Variants in GLIS3 observed in about 807,000 individuals in gnomAD.
GLIS3 encodes the protein zinc finger protein GLIS3.
Under a neutral mutation model 78.6 loss-of-function variants are expected in GLIS3, and 53 were observed. That is an observed-to-expected ratio of 0.67 (90% CI 0.54 to 0.85). GLIS3 has a LOEUF of 0.85. GLIS3 is among the 40% of genes least tolerant of loss of function. GLIS3 has a pLI of 0.00. For missense variants in GLIS3, 1,703 were observed against 1,231.1 expected (o/e 1.38, Z -5.74); for synonymous variants, 684 against 509.9 (o/e 1.34, Z -4.60).
At chr9:4,374,321 T>TG in the GLIS3 span, among the ~76,000 whole-genome samples, 1 of 152,230 alleles carries the variant, frequency 6.6e-6, no homozygotes, top group Non-Finnish European at 1.5e-5. Flanking sequence ...TATCTATCCC[T>TG]GCAAAGGAAA....
At chr9:4,420,043 G>C in the GLIS3 span, among the ~76,000 whole-genome samples, 1 of 152,172 alleles carries the variant, frequency 6.6e-6, no homozygotes, top group Non-Finnish European at 1.5e-5. Flanking sequence ...GGGGAATTTA[G>C]AGCAATGTCC....
At chr9:4,202,426 AAAAATAAAAT>A (rs56162217) in intron 2 of GLIS3, among the ~76,000 whole-genome samples, 75,485 of 146,950 alleles carry the variant, frequency 0.51, 19,653 homozygotes, top group South Asian at 0.61. Flanking sequence ...CTCAGTCTCA[AAAAATAAAAT>A]AAAATAAAAT....
intron 4 of GLIS3, among the ~76,000 whole-genome samples, chr9:4,083,050 T>C (rs191049542): frequency 2.8e-4 from 43 of 152,320 alleles, no homozygotes; most frequent in Admixed American, 1.5e-3. Flanking sequence ...AACTGAGTTA[T>C]CCACAAACCC....
At chr9:4,334,606 C>A (rs4741961) in intron 2 of GLIS3, among the ~76,000 whole-genome samples, 3 of 152,100 alleles carry the variant, frequency 2.0e-5, no homozygotes, top group Non-Finnish European at 2.9e-5. Flanking sequence ...CCTAGGTGAA[C>A]GCCAAACAGC....
chr9:4,134,105 A>T (rs946518053), intron 2 of GLIS3, among the ~76,000 whole-genome samples: 8 of 152,150 alleles, frequency 5.3e-5, no homozygotes, highest in African/African-American at 7.2e-5. Flanking sequence ...AATTTTTTTT[A>T]AAACCTCTCA....
At chr9:3,912,522 A>T (rs1824223236) in intron 6 of GLIS3, among the ~76,000 whole-genome samples, 1 of 152,206 alleles carries the variant, frequency 6.6e-6, no homozygotes, top group South Asian at 2.1e-4. Flanking sequence ...TATGCTGGAC[A>T]GAGTTGGGGA....
At chr9:3,933,012 C>T in intron 5 of GLIS3, 1 of 235,570 alleles carries the variant, frequency 4.2e-6, no homozygotes. Context: ...CGTGAAAAAT[C>T]TTCCAAAGAA....
At chr9:4,035,840 T>C (rs571425986) in intron 4 of GLIS3, 5 of 152,444 alleles carry the variant, frequency 3.3e-5, no homozygotes, top group African/African-American at 1.2e-4. Flanking sequence ...ACACTGACCA[T>C]TGCTCCTTCA....
At chr9:4,179,531 T>C (rs1442094165) in intron 2 of GLIS3, among the ~76,000 whole-genome samples, 2 of 152,160 alleles carry the variant, frequency 1.3e-5, no homozygotes, top group East Asian at 3.8e-4. Flanking sequence ...GGAAACACTA[T>C]TTATTAAGCC....
At position 4,118,078 on chromosome 9, in the gene GLIS3, T is replaced by C. The variant is rs765965108; in HGVS notation, c.1400A>G (p.His467Arg). The C allele has an allele frequency of 7.1e-7, 1 of 1,405,514 alleles. No individual in the cohort carries two copies. The highest frequency in any genetic ancestry group is 9.6e-7 in the Non-Finnish European group (1 of 1,045,184). The allele number at this position is 1,405,514 out of a possible 1,614,324, so 87.1% of individuals were successfully genotyped here. ...GGGCCCGAGCTCCGGGTGGTGAAGG[T>C]GCGCATGGGCATGGTAAGGGGGTGG... is the stretch of plus-strand genomic sequence containing the variant. Reference protein sequence around the residue: ...GPPPPYHAHAHLHHPELGPHA... With the variant: ...GPPPPYHAHARLHHPELGPHA... The change falls in exon 4 of 11, where the codon CAC becomes CGC. Residue 467 changes from histidine to arginine, a missense_variant. Transcript: ENST00000381971. This position sits in a 1 kb window ranked among gnomAD's most constrained non-coding sequence, Gnocchi z 4.7.
chr9:4,313,054 G>A (rs1435675191), intron 2 of GLIS3, among the ~76,000 whole-genome samples: 2 of 152,178 alleles, frequency 1.3e-5, no homozygotes, highest in Non-Finnish European at 2.9e-5. Context: ...TTAGCACTAT[G>A]CTATGCTGTT....
At chr9:4,183,554 C>T (rs1817515827) in intron 2 of GLIS3, among the ~76,000 whole-genome samples, 1 of 152,170 alleles carries the variant, frequency 6.6e-6, no homozygotes, top group South Asian at 2.1e-4. Flanking sequence ...AGTTCCTTGA[C>T]TCCAAGCTGT....
intron 2 of GLIS3, among the ~76,000 whole-genome samples, chr9:4,188,826 T>A (rs1818049556): frequency 6.6e-6 from 1 of 152,240 alleles, no homozygotes; most frequent in African/African-American, 2.4e-5. Flanking sequence ...TGTATTTCTG[T>A]GGGATCGGTG....
intron 7 of GLIS3, among the ~76,000 whole-genome samples, chr9:3,894,628 T>C (rs940887253): frequency 5.3e-5 from 8 of 152,266 alleles, no homozygotes; most frequent in African/African-American, 1.9e-4. Flanking sequence ...GAGGGTAAAG[T>C]GAAGAGAATA....
In GLIS3 at chr9:4,064,228, C is replaced by T. The variant is rs191765470; in HGVS notation, c.1710+53540G>A. The stretch of plus-strand genomic sequence containing the variant: ...GATTCATACCTTGTATTATACAGTA[C>T]ATAAAAATAAATTCTACAAGGAATA... On this transcript the variant is annotated intron_variant, in intron 4 of 10. Coordinates refer to ENST00000381971, the MANE Select transcript of GLIS3 (RefSeq NM_001042413.2). Among the ~76,000 whole-genome samples, 301 of 151,868 alleles carry T rather than the reference C, an allele frequency of 2.0e-3. 2 individuals carry two copies. The highest frequency in any genetic ancestry group is 3.3e-3 in the South Asian group (16 of 4,798).
chr9:4,440,339 T>C, the GLIS3 span, among the ~76,000 whole-genome samples: 1 of 152,238 alleles, frequency 6.6e-6, no homozygotes, highest in Admixed American at 6.5e-5. Context: ...TAGACTTAAG[T>C]CTGTAATCCA....
intron 4 of GLIS3, among the ~76,000 whole-genome samples, chr9:4,103,456 A>C (rs1353099491): frequency 1.3e-5 from 2 of 152,100 alleles, no homozygotes; most frequent in African/African-American, 4.8e-5. Context: ...GATACCACCA[A>C]ATTCACTGAG....
Position 4,343,096 on chromosome 9 carries a change from T to C in GLIS3, n.264+3985A>G, listed in dbSNP as rs576715341. 3.3e-5 allele frequency among the ~76,000 whole-genome samples: 5 copies of C among 152,250 alleles called. No individual in the cohort carries two copies. The East Asian group carries it at 9.6e-4, about 29-fold the overall frequency. ...GCTCATGCCTACAATCCCAGCACTG[T>C]GGGAGGCCAAGGCAGGAGGATCACT... On this transcript the variant is annotated intron_variant and non_coding_transcript_variant, in intron 2 of 4. Transcript: ENST00000471664.
At chr9:3,965,323 A>G (rs1817863097) in intron 4 of GLIS3, among the ~76,000 whole-genome samples, 1 of 149,382 alleles carries the variant, frequency 6.7e-6, no homozygotes, top group Non-Finnish European at 1.5e-5. Context: ...CCTCCCGAAT[A>G]GCTGGGACTA....
Sources: gnomAD v4.1 joint callset for allele counts (sites outside exome capture counted in the v4.1 genomes callset) on GRCh38, gnomAD v4.1.1 for gene constraint, Gnocchi (gnomAD v3.1) non-coding constraint, MANE v1.5 for transcripts, NCBI Gene and HGNC (gene_info 2026-07-23, HGNC 2026-07-21) for gene names.